CCND3: variants seen among roughly 807,000 people sequenced by gnomAD.
The protein encoded by CCND3 is cyclin D3, also known as G1/S-specific cyclin-D3.
CCND3 carries 9 observed loss-of-function variants against 28.7 expected under a neutral mutation model. The ratio of observed to expected loss-of-function variants is 0.31; its 90% CI spans 0.19 to 0.55. The LOEUF (loss-of-function observed/expected upper bound fraction) is 0.55. CCND3 is among the 20% of genes least tolerant of loss of function. The pLI is 0.93. For missense variants in CCND3, 315 were observed against 385.8 expected (o/e 0.82, Z 1.54); for synonymous variants, 164 against 163.9 (o/e 1.00, Z 0.00).
At chr6:41,961,221 C>A (rs562218503) in intron 1 of CCND3, among the ~76,000 whole-genome samples, 1 of 152,266 alleles carries the variant, frequency 6.6e-6, no homozygotes, top group South Asian at 2.1e-4. Flanking sequence ...CGCCTGTAAT[C>A]CCAGCACTTT....
chr6:41,991,471 T>A (rs1441076149), intron 1 of CCND3, among the ~76,000 whole-genome samples: 1 of 152,260 alleles, frequency 6.6e-6, no homozygotes, highest in East Asian at 1.9e-4. Flanking sequence ...TTGTATTTTT[T>A]AATTGATACA....
At chr6:41,994,546 T>C (rs762687081) in intron 1 of CCND3, among the ~76,000 whole-genome samples, 26 of 152,170 alleles carry the variant, frequency 1.7e-4, no homozygotes, top group Middle Eastern at 3.2e-3. Context: ...CAATGGTGGA[T>C]ACATGTCATA....
At chr6:42,000,155 G>T (rs926144893) in intron 1 of CCND3, among the ~76,000 whole-genome samples, 1 of 144,314 alleles carries the variant, frequency 6.9e-6, no homozygotes, top group Non-Finnish European at 1.5e-5. Context: ...AAAAAAATCA[G>T]TATTATAGAG....
intron 1 of CCND3, among the ~76,000 whole-genome samples, chr6:42,016,593 C>CTT (rs377188844): frequency 0.75 from 104,436 of 138,520 alleles, 41,107 homozygotes; most frequent in Non-Finnish European, 0.83. Flanking sequence ...CTATCTATTA[C>CTT]TTTTTTTTTT....
At position 41,955,629 on chromosome 6, in the gene CCND3, C is replaced by T. The variant is rs75423930; in HGVS notation, c.-45-15044G>A. ...CACATTAAAAGTAAACCAGGCAAGC[C>T]GGCATGGTGACCCTATCTCTACAAA... On this transcript the variant is annotated intron_variant, in intron 1 of 4. Transcript: ENST00000372988. Among the ~76,000 whole-genome samples, 944 of 140,984 alleles carry T rather than the reference C, an allele frequency of 6.7e-3. 2 individuals are homozygous for T. The highest frequency in any genetic ancestry group is 0.011 in the Non-Finnish European group (704 of 66,162). 92.5% of individuals were successfully genotyped at this position (140,984 alleles called of 152,430 possible).
At position 41,936,225 on chromosome 6, in the gene CCND3, C is replaced by T. The variant is rs140718705; in HGVS notation, c.712-118G>A. The T allele has an allele frequency of 4.6e-4, 518 of 1,129,258 alleles. 7 individuals are homozygous for T. The East Asian group carries it at 0.012, about 26-fold the overall frequency. The allele number at this position is 1,129,258 out of a possible 1,614,324, so 70.0% of individuals were successfully genotyped here. The stretch of plus-strand genomic sequence containing the variant: ...AGTCTGGGGAGGTTAGGCCACAGCC[C>T]GGCCCCAGGAATCGCTCTTTAGTTC... On this transcript the variant is annotated intron_variant, in intron 4 of 4. Transcript: ENST00000372991. This position sits in a 1 kb window ranked among gnomAD's most constrained non-coding sequence, Gnocchi z 4.4.
chr6:42,010,439 G>A (rs1763309515), intron 1 of CCND3, among the ~76,000 whole-genome samples: 1 of 152,164 alleles, frequency 6.6e-6, no homozygotes, highest in African/African-American at 2.4e-5. Context: ...GGAGTTGGAA[G>A]GAGAGGAGGG....
rs1397212918 is a variant in CCND3 at position 41,969,292 on chromosome 6, T to C, written c.-45-28707A>G. ...ACTTTGGGAGGCCCAGGCGGGCGGATCACGAGGTCAAGAGATTGAGACCAT... is the reference window on the plus strand; with the variant it reads ...ACTTTGGGAGGCCCAGGCGGGCGGACCACGAGGTCAAGAGATTGAGACCAT... On this transcript the variant is annotated intron_variant, in intron 1 of 4. Coordinates refer to the CCND3 transcript ENST00000372988. Among the ~76,000 whole-genome samples, 3 of 151,706 alleles carry C rather than the reference T, an allele frequency of 2.0e-5. No homozygotes were observed. In the East Asian group the frequency reaches 5.9e-4, roughly 30 times the overall value.
chr6:41,990,975 C>T lies in CCND3; in HGVS notation c.-45-50390G>A, dbSNP rs375163454. On this transcript the variant is annotated intron_variant, in intron 1 of 4. Coordinates refer to the CCND3 transcript ENST00000372988. ...GGATTACAGGTGTGCGCCACTGCCC[C>T]GGCTTAGCCAACTGATTTTTGACAA... is the stretch of plus-strand genomic sequence containing the variant. 1.2e-4 allele frequency among the ~76,000 whole-genome samples: 19 copies of T among 152,020 alleles called. No homozygotes were observed. In the South Asian group the frequency reaches 3.7e-3, roughly 30 times the overall value.
intron 1 of CCND3, among the ~76,000 whole-genome samples, chr6:41,963,634 C>T (rs893684734): frequency 2.1e-4 from 32 of 152,290 alleles, no homozygotes; most frequent in Admixed American, 1.6e-3. Flanking sequence ...AGGTGGTGAA[C>T]GTGGAACCAC....
intron 1 of CCND3, among the ~76,000 whole-genome samples, chr6:42,026,301 A>C (rs544644613): frequency 6.6e-6 from 1 of 151,750 alleles, no homozygotes; most frequent in Non-Finnish European, 1.5e-5. Flanking sequence ...GCCAAGGGGA[A>C]AATATGGTGC....
At chr6:41,978,708 C>T (rs1488209387) in intron 1 of CCND3, among the ~76,000 whole-genome samples, 2 of 152,116 alleles carry the variant, frequency 1.3e-5, no homozygotes, top group Non-Finnish European at 2.9e-5. Flanking sequence ...ATGACTTGTG[C>T]CCCTGTTTTA....
chr6:41,979,687 A>C (rs1403289633), intron 1 of CCND3, among the ~76,000 whole-genome samples: 1 of 149,336 alleles, frequency 6.7e-6, no homozygotes, highest in Non-Finnish European at 1.5e-5. Context: ...CTATTTATCT[A>C]TCTCTCTTCA....
In CCND3 at chr6:41,938,929, C is replaced by A. The variant is rs1290440796; in HGVS notation, c.414+1441G>T. The stretch of plus-strand genomic sequence containing the variant: ...TCTAGGAAGTCTTTTGGGCACTCCA[C>A]CCCCAGCTCAGGCAGAGGGAAGAGT... On this transcript the variant is annotated intron_variant, in intron 2 of 4. Coordinates refer to ENST00000372991, the MANE Select transcript of CCND3 (RefSeq NM_001760.5). The surrounding 1 kb of genome is among the most constrained non-coding windows in gnomAD (Gnocchi z 4.6). 6.6e-6 allele frequency among the ~76,000 whole-genome samples: 1 copy of A among 152,152 alleles called. No individual in the cohort carries two copies. The highest frequency in any genetic ancestry group is 1.5e-5 in the Non-Finnish European group (1 of 68,032).
intron 1 of CCND3, among the ~76,000 whole-genome samples, chr6:42,001,948 T>G (rs1269274187): frequency 6.7e-6 from 1 of 149,472 alleles, no homozygotes; most frequent in Non-Finnish European, 1.5e-5. Flanking sequence ...AACCCCTTCC[T>G]TATGAAAAAT....
At chr6:41,987,012 C>T (rs1410186404) in intron 1 of CCND3, among the ~76,000 whole-genome samples, 3 of 152,068 alleles carry the variant, frequency 2.0e-5, no homozygotes, top group African/African-American at 7.2e-5. Context: ...GCCTAAATAA[C>T]TACCCCATTT....
At chr6:42,037,716 C>T (rs1429061651) in intron 1 of CCND3, among the ~76,000 whole-genome samples, 1 of 151,618 alleles carries the variant, frequency 6.6e-6, no homozygotes, top group Non-Finnish European at 1.5e-5. Context: ...TCGGGTGCAC[C>T]GATTATTAGG....
intron 1 of CCND3, among the ~76,000 whole-genome samples, chr6:41,952,546 A>C (rs1227813236): frequency 6.6e-6 from 1 of 152,190 alleles, no homozygotes; most frequent in Non-Finnish European, 1.5e-5. Context: ...GAGTGGAATT[A>C]ATTCCCCAGT....
chr6:41,997,172 G>A (rs1381658387), intron 1 of CCND3, among the ~76,000 whole-genome samples: 1 of 152,194 alleles, frequency 6.6e-6, no homozygotes, highest in Non-Finnish European at 1.5e-5. Context: ...TAGCTTGAAT[G>A]CTGTTCCATC....
Sources: allele counts gnomAD v4.1 joint callset (sites outside exome capture counted in the v4.1 genomes callset), GRCh38; gene constraint gnomAD v4.1.1; non-coding constraint Gnocchi (gnomAD v3.1); transcripts MANE v1.5; gene names NCBI Gene and HGNC (gene_info 2026-07-23, HGNC 2026-07-21).